Variants in FHIT observed in about 807,000 individuals in gnomAD.
The protein encoded by FHIT is fragile histidine triad diadenosine triphosphatase, also known as bis(5'-adenosyl)-triphosphatase.
In FHIT, 19 loss-of-function variants were observed where a neutral mutation model predicts 17.9. The observed-to-expected ratio is 1.06, with a 90% confidence interval of 0.74 to 1.56. The LOEUF (loss-of-function observed/expected upper bound fraction) is 1.56, where lower values mean the gene tolerates loss of function less well. Among genes scored for constraint, FHIT ranks in the 40% most tolerant of loss-of-function variants. FHIT has a pLI of 0.00. For synonymous variants in FHIT, 81 were observed against 69.7 expected, an observed-to-expected ratio of 1.16 and a Z score of -0.81; for missense variants, 248 against 189.2, an observed-to-expected ratio of 1.31 and a Z score of -1.82.
rs539819674 is a variant in FHIT, at chr3:60,130,525, G to C, written c.104-116373C>G. ...GGAACTCAGACGGCATGACTCTCAGGTTACAGATTCTGCATCACATGCTCA... is the reference window on the plus strand; with the variant it reads ...GGAACTCAGACGGCATGACTCTCAGCTTACAGATTCTGCATCACATGCTCA... On this transcript the variant is annotated intron_variant, in intron 5 of 9. Transcript: ENST00000492590. Among the ~76,000 whole-genome samples, 290 of 152,182 alleles carry C rather than the reference G, an allele frequency of 1.9e-3. 1 individual carries two copies. The highest frequency in any genetic ancestry group is 6.7e-3 in the African/African-American group (279 of 41,526).
chr3:60,792,549 G>A (rs1553728851), intron 4 of FHIT, among the ~76,000 whole-genome samples: 2 of 152,150 alleles, frequency 1.3e-5, no homozygotes, highest in African/African-American at 4.8e-5. Flanking sequence ...TAGCCTTGCT[G>A]GCTCACACTG....
At chr3:60,364,710 T>C (rs1700040505) in intron 5 of FHIT, among the ~76,000 whole-genome samples, 1 of 152,124 alleles carries the variant, frequency 6.6e-6, no homozygotes, top group African/African-American at 2.4e-5. Flanking sequence ...TCAGTGAGGG[T>C]GTTTCCAGAA....
intron 4 of FHIT, among the ~76,000 whole-genome samples, chr3:60,581,646 A>G (rs2037753492): frequency 6.6e-6 from 1 of 152,102 alleles, no homozygotes. Context: ...GTATATGCAT[A>G]AGGCTAAGAG....
chr3:60,664,499 G>T (rs544218982), intron 4 of FHIT, among the ~76,000 whole-genome samples: 7 of 151,584 alleles, frequency 4.6e-5, no homozygotes, highest in Non-Finnish European at 1.0e-4. Context: ...GTAATAATGA[G>T]TTGAAAAGTG....
At chr3:60,071,860 T>C (rs934341729) in intron 5 of FHIT, among the ~76,000 whole-genome samples, 8 of 152,186 alleles carry the variant, frequency 5.3e-5, no homozygotes, top group African/African-American at 1.9e-4. Context: ...ATAAGTCTAA[T>C]GAGATCTGAT....
chr3:59,808,016 G>A (rs72888508), intron 8 of FHIT, among the ~76,000 whole-genome samples: 8,119 of 152,142 alleles, frequency 0.053, 540 homozygotes, highest in African/African-American at 0.16. Flanking sequence ...AAACATCACC[G>A]CTACCTAGTT....
At chr3:60,273,587 C>G (rs763263539) in intron 5 of FHIT, among the ~76,000 whole-genome samples, 17 of 152,008 alleles carry the variant, frequency 1.1e-4, no homozygotes, top group Non-Finnish European at 1.8e-4. Context: ...CCAGCCAGAG[C>G]AACAGTGCAA....
At chr3:60,761,042 GTAT>G (rs1699631772) in intron 4 of FHIT, among the ~76,000 whole-genome samples, 1 of 152,048 alleles carries the variant, frequency 6.6e-6, no homozygotes, top group African/African-American at 2.4e-5. Flanking sequence ...ATTATCCCCA[GTAT>G]GTAAAAGCCC....
chr3:60,453,187 C>G (rs778649311), intron 5 of FHIT, among the ~76,000 whole-genome samples: 1 of 140,590 alleles, frequency 7.1e-6, no homozygotes, highest in Non-Finnish European at 1.5e-5. Flanking sequence ...TTATTTTATG[C>G]CTGAGCAGAT....
intron 5 of FHIT, among the ~76,000 whole-genome samples, chr3:60,367,384 T>C (rs1293992842): frequency 6.6e-6 from 1 of 152,220 alleles, no homozygotes. Context: ...TATTACATTT[T>C]AGTGAATTTT....
At chr3:60,230,846 G>A (rs1227270172) in intron 5 of FHIT, among the ~76,000 whole-genome samples, 1 of 152,158 alleles carries the variant, frequency 6.6e-6, no homozygotes, top group Non-Finnish European at 1.5e-5. Flanking sequence ...AAGTAGCTGG[G>A]ATTACAGCCA....
intron 5 of FHIT, among the ~76,000 whole-genome samples, chr3:60,162,423 G>C (rs1448145437): frequency 2.6e-5 from 4 of 152,068 alleles, no homozygotes; most frequent in Non-Finnish European, 2.9e-5. Context: ...GTTTATTTCT[G>C]GATTACTTTA....
chr3:60,269,268 T>C (rs1706745952), intron 5 of FHIT, among the ~76,000 whole-genome samples: 3 of 152,236 alleles, frequency 2.0e-5, no homozygotes, highest in South Asian at 2.1e-4. Context: ...TTTTCAGTTT[T>C]CTACGTCTTT....
intron 3 of FHIT, among the ~76,000 whole-genome samples, chr3:60,874,902 G>C (rs782498546): frequency 7.9e-5 from 12 of 152,178 alleles, no homozygotes; most frequent in Admixed American, 2.6e-4. Flanking sequence ...TACTGGACGT[G>C]TGACCTTGGA....
intron 4 of FHIT, among the ~76,000 whole-genome samples, chr3:60,738,676 T>G (rs781873380): frequency 6.6e-5 from 10 of 152,228 alleles, no homozygotes; most frequent in Non-Finnish European, 1.0e-4. Context: ...GTCTTGCTCA[T>G]CTGACCAAGT....
At chr3:60,769,744 C>A (rs1273214829) in intron 4 of FHIT, among the ~76,000 whole-genome samples, 1 of 152,168 alleles carries the variant, frequency 6.6e-6, no homozygotes, top group African/African-American at 2.4e-5. Flanking sequence ...GAAGTATGGC[C>A]GCTGGGATTG....
intron 5 of FHIT, among the ~76,000 whole-genome samples, chr3:60,447,629 A>C (rs970065748): frequency 2.0e-5 from 3 of 152,156 alleles, no homozygotes; most frequent in African/African-American, 7.2e-5. Context: ...GTAGATGGAC[A>C]CTAGGCAGAG....
At chr3:60,074,500 A>G (rs1441961133) in intron 5 of FHIT, among the ~76,000 whole-genome samples, 2 of 151,580 alleles carry the variant, frequency 1.3e-5, no homozygotes, top group East Asian at 3.9e-4. Context: ...TTGCTTATTC[A>G]TTCATTCATT....
intron 5 of FHIT, among the ~76,000 whole-genome samples, chr3:60,049,178 C>T (rs966935186): frequency 3.3e-5 from 5 of 152,230 alleles, no homozygotes; most frequent in East Asian, 3.9e-4. Context: ...GTTTTATGCT[C>T]AACTTATTTA....
Sources: allele counts gnomAD v4.1 joint callset (sites outside exome capture counted in the v4.1 genomes callset), GRCh38; gene constraint gnomAD v4.1.1; transcripts MANE v1.5; gene names NCBI Gene and HGNC (gene_info 2026-07-23, HGNC 2026-07-21).